Variants in KCNIP3 observed in about 807,000 individuals in gnomAD.
The protein encoded by KCNIP3 is potassium voltage-gated channel interacting protein 3.
KCNIP3 carries 28 observed loss-of-function variants against 35.0 expected under a neutral mutation model. The ratio of observed to expected loss-of-function variants is 0.80; its 90% CI spans 0.59 to 1.10. The LOEUF (loss-of-function observed/expected upper bound fraction) is 1.10, where lower values mean the gene tolerates loss of function less well. Among genes scored for constraint, KCNIP3 ranks in the 50% least tolerant of loss-of-function variants. The pLI, the probability that KCNIP3 is intolerant of heterozygous loss-of-function variation, is 0.00. For synonymous variants in KCNIP3, 134 were observed against 133.8 expected, an observed-to-expected ratio of 1.00 and a Z score of -0.01; for missense variants, 295 against 338.4, an observed-to-expected ratio of 0.87 and a Z score of 1.01.
intron 2 of KCNIP3, among the ~76,000 whole-genome samples, chr2:95,367,001 C>G (rs561876361): frequency 7.9e-5 from 12 of 152,172 alleles, no homozygotes; most frequent in Non-Finnish European, 1.2e-4. Context: ...TTAACAATAT[C>G]TTTGTAATCC....
At chr2:95,351,592 A>T (rs1198938281) in intron 2 of KCNIP3, among the ~76,000 whole-genome samples, 1 of 152,216 alleles carries the variant, frequency 6.6e-6, no homozygotes, top group Non-Finnish European at 1.5e-5. Context: ...TGGACCTGGT[A>T]AGTTTGGGAT....
intron 2 of KCNIP3, among the ~76,000 whole-genome samples, chr2:95,344,832 T>G (rs979538950): frequency 6.6e-6 from 1 of 152,234 alleles, no homozygotes; most frequent in African/African-American, 2.4e-5. Flanking sequence ...TCCCATTTTA[T>G]GGATGAGGAA....
At chr2:95,310,557 T>A in intron 2 of KCNIP3, 37 bp downstream of exon 2, 2 of 902,542 alleles carry the variant, frequency 2.2e-6, no homozygotes, top group East Asian at 3.6e-5. Flanking sequence ...AGGGTGGGGG[T>A]GGGGAGATCT....
chr2:95,358,523 C>G (rs1044021077), intron 2 of KCNIP3, among the ~76,000 whole-genome samples: 12 of 152,184 alleles, frequency 7.9e-5, no homozygotes, highest in Non-Finnish European at 1.5e-5. Context: ...TTGCAGCCCC[C>G]CTGGCTATCA....
At chr2:95,331,795 C>T (rs566841443) in intron 2 of KCNIP3, among the ~76,000 whole-genome samples, 57 of 152,300 alleles carry the variant, frequency 3.7e-4, no homozygotes, top group African/African-American at 1.3e-3. Flanking sequence ...GGCAGGTGCC[C>T]GACCCAGGCT....
At chr2:95,367,103 T>A (rs1176843279) in intron 2 of KCNIP3, among the ~76,000 whole-genome samples, 1 of 151,936 alleles carries the variant, frequency 6.6e-6, no homozygotes, top group Admixed American at 6.6e-5. Flanking sequence ...TGAAATCCTG[T>A]CTCTACTAAA....
chr2:95,361,555 C>T (rs910396941), intron 2 of KCNIP3, among the ~76,000 whole-genome samples: 32 of 152,168 alleles, frequency 2.1e-4, no homozygotes, highest in African/African-American at 6.8e-4. Flanking sequence ...TGTCACTGGA[C>T]CTGAGTCTTG....
At chr2:95,350,019 A>G (rs1679473618) in intron 2 of KCNIP3, among the ~76,000 whole-genome samples, 1 of 152,122 alleles carries the variant, frequency 6.6e-6, no homozygotes, top group Admixed American at 6.5e-5. Context: ...AGCTCCTGAA[A>G]TTATGGGCAA....
At chr2:95,349,051 A>C (rs894959500) in intron 2 of KCNIP3, among the ~76,000 whole-genome samples, 1 of 152,020 alleles carries the variant, frequency 6.6e-6, no homozygotes, top group Non-Finnish European at 1.5e-5. Flanking sequence ...CAATAACAGC[A>C]CTGATTCATG....
Position 95,385,558 on chromosome 2 carries a change from C to T in KCNIP3, c.*1509C>T, listed in dbSNP as rs115884085. 947 of 152,870 alleles carry T rather than the reference C, an allele frequency of 6.2e-3. 10 individuals are homozygous for T. The highest frequency in any genetic ancestry group is 0.022 in the African/African-American group (895 of 41,592). The allele number at this position is 152,870 out of a possible 1,614,324, so 9.5% of individuals were successfully genotyped here. ...ACATTCCATCACAGCCAGCCCAGCT[C>T]CACTCAGGGCTGGCCCGGGGAGTCC... On this transcript the variant is annotated 3_prime_UTR_variant, in exon 9 of 9. Transcript: ENST00000295225.
chr2:95,324,050 C>A (rs1414348791), intron 2 of KCNIP3, among the ~76,000 whole-genome samples: 1 of 152,238 alleles, frequency 6.6e-6, no homozygotes, highest in Non-Finnish European at 1.5e-5. Flanking sequence ...AATCCCCACC[C>A]ACGCAGATAG....
intron 2 of KCNIP3, among the ~76,000 whole-genome samples, chr2:95,373,972 CT>C (rs1379786996): frequency 6.6e-6 from 1 of 152,252 alleles, no homozygotes; most frequent in African/African-American, 2.4e-5. Flanking sequence ...GTCTTTCCCC[CT>C]CCTATATCCC....
rs182146232 is a variant in KCNIP3 at position 95,364,135 on chromosome 2, T to A, written c.182-10161T>A. Among the ~76,000 whole-genome samples, 673 of 152,206 alleles carry A rather than the reference T, an allele frequency of 4.4e-3. 4 individuals carry two copies. Among genetic ancestry groups the A allele is most frequent in the Non-Finnish European group, 6.5e-3 (443 of 68,006 alleles). Reference sequence around the variant, plus strand: ...CCATTAAATCCAATATTTTCTGTAATTTTTTTTGTAAATATGTGATTTGCA... The same window carrying A: ...CCATTAAATCCAATATTTTCTGTAAATTTTTTTGTAAATATGTGATTTGCA... On this transcript the variant is annotated intron_variant, in intron 2 of 8. Transcript: ENST00000295225.
chr2:95,324,523 G>GATAAATAAATAAATAAATAAATAA (rs140027632), intron 2 of KCNIP3, among the ~76,000 whole-genome samples: 1 of 145,716 alleles, frequency 6.9e-6, no homozygotes. Flanking sequence ...AAAATAAATA[G>GATAAATAAATAAATAAATAAATAA]ATAAATAAAT....
chr2:95,306,586 G>A (rs1678174007), intron 1 of KCNIP3, among the ~76,000 whole-genome samples: 1 of 152,212 alleles, frequency 6.6e-6, no homozygotes. Flanking sequence ...AGCCGTGAGT[G>A]AGGCCTTAAA....
At chr2:95,356,525 A>G (rs1679659870) in intron 2 of KCNIP3, among the ~76,000 whole-genome samples, 1 of 152,152 alleles carries the variant, frequency 6.6e-6, no homozygotes, top group Non-Finnish European at 1.5e-5. Flanking sequence ...TAATTTTTGT[A>G]TAAGGTGTCA....
At chr2:95,340,018 G>T (rs139160513) in intron 2 of KCNIP3, among the ~76,000 whole-genome samples, 43 of 152,256 alleles carry the variant, frequency 2.8e-4, no homozygotes, top group African/African-American at 1.0e-3. Flanking sequence ...GAGAGAACAA[G>T]TAGGAGAGTC....
chr2:95,331,701 T>C (rs1264429698), intron 2 of KCNIP3, among the ~76,000 whole-genome samples: 1 of 152,212 alleles, frequency 6.6e-6, no homozygotes, highest in Non-Finnish European at 1.5e-5. Context: ...CCCCACATCC[T>C]GTTCTGCCAT....
At chr2:95,353,892 G>A (rs1406982910) in intron 2 of KCNIP3, among the ~76,000 whole-genome samples, 2 of 152,202 alleles carry the variant, frequency 1.3e-5, no homozygotes, top group Non-Finnish European at 2.9e-5. Flanking sequence ...GGTTGTCACA[G>A]TTGGGGAGGT....
Sources: allele counts gnomAD v4.1 joint callset (sites outside exome capture counted in the v4.1 genomes callset), GRCh38; gene constraint gnomAD v4.1.1; transcripts MANE v1.5; gene names NCBI Gene and HGNC (gene_info 2026-07-23, HGNC 2026-07-21).